The following PDE1C variants were observed in gnomAD, a reference collection of about 807,000 sequenced individuals.
PDE1C encodes dual specificity calcium/calmodulin-dependent 3',5'-cyclic nucleotide phosphodiesterase 1C.
In PDE1C, 62 loss-of-function variants were observed where a neutral mutation model predicts 93.1. That is an observed-to-expected ratio of 0.67 (90% CI 0.54 to 0.82). PDE1C has a LOEUF of 0.82. Among genes scored for constraint, PDE1C ranks in the 40% least tolerant of loss-of-function variants. The probability of loss-of-function intolerance (pLI) is 0.00; values close to 1 mark genes in which losing one functional copy is unlikely to be tolerated. For missense variants in PDE1C, 742 were observed against 884.6 expected (o/e 0.84, Z 2.04); for synonymous variants, 325 against 310.1 (o/e 1.05, Z -0.50).
At chr7:32,119,051 C>T (rs752122477) in intron 3 of PDE1C, among the ~76,000 whole-genome samples, 18 of 152,136 alleles carry the variant, frequency 1.2e-4, no homozygotes, top group African/African-American at 1.7e-4. Context: ...TCAAAGGAAC[C>T]AGCCTCAATG....
chr7:32,421,590 G>A (rs1015789029), intron 1 of PDE1C, among the ~76,000 whole-genome samples: 4 of 152,200 alleles, frequency 2.6e-5, no homozygotes, highest in Admixed American at 1.3e-4. Flanking sequence ...GCCAATGATC[G>A]AGATTCCAGA....
At chr7:31,794,301 C>T (rs1303902021) in intron 16 of PDE1C, among the ~76,000 whole-genome samples, 3 of 151,984 alleles carry the variant, frequency 2.0e-5, no homozygotes, top group Non-Finnish European at 4.4e-5. Flanking sequence ...TTTACCATTA[C>T]TTTCAATGGC....
chr7:31,731,203 G>A, the PDE1C span, among the ~76,000 whole-genome samples: 47 of 152,092 alleles, frequency 3.1e-4, no homozygotes, highest in African/African-American at 7.9e-4. Context: ...TGAGGGAGGC[G>A]GGCAGGGAAA....
intron 11 of PDE1C, among the ~76,000 whole-genome samples, chr7:31,833,226 C>T (rs1382785836): frequency 1.8e-4 from 27 of 152,178 alleles, no homozygotes. Context: ...TGTCTTCCAC[C>T]ACAGTTGTGA....
intron 1 of PDE1C, among the ~76,000 whole-genome samples, chr7:32,359,401 ATATATG>A (rs5883341): frequency 0.61 from 92,679 of 151,234 alleles, 29,646 homozygotes; most frequent in Admixed American, 0.75. Context: ...TTATATGTGA[ATATATG>A]TATATGTATA....
chr7:32,258,344 A>C (rs1001230392), intron 1 of PDE1C, among the ~76,000 whole-genome samples: 2 of 152,250 alleles, frequency 1.3e-5, no homozygotes, highest in African/African-American at 2.4e-5. Flanking sequence ...AAGCTGTGAG[A>C]TGAAACTCTG....
At chr7:31,631,744 G>A in the PDE1C span, among the ~76,000 whole-genome samples, 1 of 152,218 alleles carries the variant, frequency 6.6e-6, no homozygotes, top group Non-Finnish European at 1.5e-5. Flanking sequence ...AACCTCAGGA[G>A]AGTGCTAATG....
intron 1 of PDE1C, among the ~76,000 whole-genome samples, chr7:32,389,202 T>TTTTGTTTGTTTGTTTG (rs3079686): frequency 7.3e-6 from 1 of 136,148 alleles, no homozygotes; most frequent in Non-Finnish European, 1.6e-5. Flanking sequence ...TTTTTTTGGT[T>TTTTGTTTGTTTGTTTG]TTTGTTTGTT....
intron 1 of PDE1C, among the ~76,000 whole-genome samples, chr7:32,386,048 G>A (rs1784619324): frequency 6.7e-6 from 1 of 150,228 alleles, no homozygotes; most frequent in African/African-American, 2.5e-5. Flanking sequence ...TACTGACTCA[G>A]CTCCTTCCAC....
intron 7 of PDE1C, among the ~76,000 whole-genome samples, chr7:31,859,419 A>G (rs1268214894): frequency 6.8e-6 from 1 of 146,286 alleles, no homozygotes; most frequent in East Asian, 2.0e-4. Context: ...CCTATATAAT[A>G]TAGAATATAT....
intron 1 of PDE1C, among the ~76,000 whole-genome samples, chr7:32,333,982 A>G (rs1276053972): frequency 6.6e-6 from 1 of 152,206 alleles, no homozygotes; most frequent in Non-Finnish European, 1.5e-5. Flanking sequence ...AAAGCAGATA[A>G]AGGAGAAAGG....
chr7:32,270,715 T>C (rs543544786), intron 1 of PDE1C, among the ~76,000 whole-genome samples: 1 of 152,128 alleles, frequency 6.6e-6, no homozygotes, highest in African/African-American at 2.4e-5. Context: ...TCTTGGGGCA[T>C]GAGGATACAC....
intron 3 of PDE1C, among the ~76,000 whole-genome samples, chr7:32,092,628 A>C (rs1330704827): frequency 4.6e-5 from 7 of 152,248 alleles, no homozygotes; most frequent in Admixed American, 4.6e-4. Flanking sequence ...AGCCAGGAAG[A>C]TAGTCTATGG....
intron 2 of PDE1C, among the ~76,000 whole-genome samples, chr7:31,914,194 C>T (rs981140517): frequency 1.3e-5 from 2 of 151,908 alleles, no homozygotes; most frequent in African/African-American, 4.8e-5. Flanking sequence ...AAAATTTTTC[C>T]AAAACAACTG....
chr7:31,738,998 C>G, the PDE1C span, among the ~76,000 whole-genome samples: 1 of 150,970 alleles, frequency 6.6e-6, no homozygotes, highest in Non-Finnish European at 1.5e-5. Flanking sequence ...CCCCTTCCCC[C>G]ACACCCCTGC....
intron 2 of PDE1C, among the ~76,000 whole-genome samples, chr7:31,913,243 C>A (rs562597962): frequency 1.3e-5 from 2 of 152,100 alleles, no homozygotes; most frequent in Non-Finnish European, 2.9e-5. Context: ...GTTTCAAGTT[C>A]CATTTTAGCT....
Position 31,794,077 on chromosome 7 carries a change from CAGACAGACAGACAGAT to C in PDE1C, c.1891+14938_1891+14953del, listed in dbSNP as rs1220348105. Among the ~76,000 whole-genome samples, 3 of 135,104 alleles carry C rather than the reference CAGACAGACAGACAGAT, an allele frequency of 2.2e-5. No individual in the cohort carries two copies. The East Asian group carries it at 6.5e-4, about 29-fold the overall frequency. The allele number at this position is 135,104 out of a possible 152,430, so 88.6% of individuals were successfully genotyped here. On this transcript the variant is annotated intron_variant, in intron 16 of 17. Coordinates refer to ENST00000396191, the MANE Select transcript of PDE1C (RefSeq NM_001191057.4). ...ACAGACAGACAGACAGACAGACAGA[CAGACAGACAGACAGAT>C]AGATAGACAGATAGATGGGCAGGCG... is the stretch of plus-strand genomic sequence containing the variant.
At chr7:32,213,488 T>C (rs927763915) in intron 1 of PDE1C, among the ~76,000 whole-genome samples, 2 of 152,182 alleles carry the variant, frequency 1.3e-5, no homozygotes, top group African/African-American at 2.4e-5. Context: ...ATGCTAGCAC[T>C]ACAAAAAGTG....
At chr7:31,950,465 A>G (rs971385289) in intron 2 of PDE1C, among the ~76,000 whole-genome samples, 9 of 152,178 alleles carry the variant, frequency 5.9e-5, no homozygotes, top group African/African-American at 2.2e-4. Context: ...GACATCCTCA[A>G]AAGTATGCAG....
Sources: gnomAD v4.1 joint callset for allele counts (sites outside exome capture counted in the v4.1 genomes callset) on GRCh38, gnomAD v4.1.1 for gene constraint, MANE v1.5 for transcripts, NCBI Gene and HGNC (gene_info 2026-07-23, HGNC 2026-07-21) for gene names.